Variants in ZSCAN25 observed in about 807,000 individuals in gnomAD.
The protein encoded by ZSCAN25 is zinc finger and SCAN domain-containing protein 25.
ZSCAN25 carries 27 observed loss-of-function variants against 38.7 expected under a neutral mutation model. The observed-to-expected ratio is 0.70, with a 90% CI of 0.51 to 0.96. ZSCAN25 has a LOEUF of 0.96. Among genes scored for constraint, ZSCAN25 ranks in the 40% least tolerant of loss-of-function variants. The probability of loss-of-function intolerance (pLI) is 0.00; values close to 1 mark genes in which losing one functional copy is unlikely to be tolerated. For synonymous variants in ZSCAN25, 273 were observed against 277.7 expected, an observed-to-expected ratio of 0.98 and a Z score of 0.17; for missense variants, 637 against 705.9, an observed-to-expected ratio of 0.90 and a Z score of 1.11.
At chr7:99,687,795 G>C in the ZSCAN25 span, among the ~76,000 whole-genome samples, 2 of 152,186 alleles carry the variant, frequency 1.3e-5, no homozygotes, top group Admixed American at 6.5e-5. Flanking sequence ...CCCACAAAGG[G>C]AAGCCCATCA....
the ZSCAN25 span, among the ~76,000 whole-genome samples, chr7:99,668,077 G>A: frequency 6.6e-5 from 10 of 152,168 alleles, no homozygotes; most frequent in Non-Finnish European, 1.5e-4. Context: ...GAATAGGTAA[G>A]TTCTGCAAGG....
chr7:99,699,388 G>A, the ZSCAN25 span, among the ~76,000 whole-genome samples: 111,558 of 150,376 alleles, frequency 0.74, 44,774 homozygotes, highest in Non-Finnish European at 0.91. Context: ...AGGAAAGAGG[G>A]AAGAGCCGGG....
At chr7:99,623,380 A>G (rs1355429741) in intron 6 of ZSCAN25, among the ~76,000 whole-genome samples, 1 of 152,226 alleles carries the variant, frequency 6.6e-6, no homozygotes, top group Non-Finnish European at 1.5e-5. Flanking sequence ...GCCACAAATG[A>G]GGTAACTGAA....
At chr7:99,621,647 C>A in intron 5 of ZSCAN25, 73 bp downstream of exon 5, 1 of 1,212,428 alleles carries the variant, frequency 8.2e-7, no homozygotes, top group Non-Finnish European at 1.1e-6. Flanking sequence ...TCTTCAGAAA[C>A]CCAGCAATGG....
chr7:99,715,671 G>A, the ZSCAN25 span: 1 of 1,598,788 alleles, frequency 6.3e-7, no homozygotes. Flanking sequence ...TACATTTTAA[G>A]TGGATGAATT....
the ZSCAN25 span, among the ~76,000 whole-genome samples, chr7:99,716,306 G>C: frequency 6.6e-6 from 1 of 152,104 alleles, no homozygotes; most frequent in African/African-American, 2.4e-5. Flanking sequence ...AGGTGACATT[G>C]CCTGACTACA....
chr7:99,619,514 C>T (rs1028907232), intron 3 of ZSCAN25, 47 bp from the exon 4 acceptor site: 4 of 1,405,762 alleles, frequency 2.8e-6, no homozygotes, highest in Non-Finnish European at 3.8e-6. Flanking sequence ...GATGTAGAGA[C>T]AGAACTGGGA....
the ZSCAN25 span, chr7:99,720,775 C>T: frequency 9.0e-6 from 2 of 223,118 alleles, no homozygotes; most frequent in Non-Finnish European, 1.8e-5. Context: ...AAAATATTTC[C>T]CTTTATAAAG....
downstream of ZSCAN25, among the ~76,000 whole-genome samples, chr7:99,636,582 A>G (rs1205669849): frequency 1.3e-5 from 2 of 152,214 alleles, no homozygotes. Context: ...ACACACTCAT[A>G]AACAAAACCC....
chr7:99,679,548 T>G, the ZSCAN25 span, among the ~76,000 whole-genome samples: 1 of 152,192 alleles, frequency 6.6e-6, no homozygotes, highest in Admixed American at 6.5e-5. Context: ...TTGATTAGTC[T>G]TCGTCAGATC....
the ZSCAN25 span, among the ~76,000 whole-genome samples, chr7:99,718,035 A>C: frequency 6.6e-6 from 1 of 152,076 alleles, no homozygotes; most frequent in African/African-American, 2.4e-5. Context: ...CATGAAAAAG[A>C]GGTGCCTTGA....
chr7:99,723,807 C>T, the ZSCAN25 span, among the ~76,000 whole-genome samples: 3 of 152,172 alleles, frequency 2.0e-5, no homozygotes, highest in African/African-American at 7.2e-5. Context: ...CTTTCCCTTT[C>T]TGGTAGAGAC....
intron 4 of ZSCAN25, 195 bp downstream of exon 4, chr7:99,620,188 A>G (rs1806828194): frequency 7.8e-6 from 6 of 766,612 alleles, no homozygotes; most frequent in Non-Finnish European, 1.0e-5. Flanking sequence ...AGATGCTGCC[A>G]TGCAGAAGGG....
the ZSCAN25 span, chr7:99,720,214 T>C: frequency 2.0e-6 from 3 of 1,482,032 alleles, no homozygotes; most frequent in Non-Finnish European, 2.8e-6. Context: ...GGAACCTTCC[T>C]GCACAGTTTT....
chr7:99,720,103 A>G, the ZSCAN25 span, among the ~76,000 whole-genome samples: 2 of 152,206 alleles, frequency 1.3e-5, no homozygotes, highest in Non-Finnish European at 2.9e-5. Flanking sequence ...AACTGTATCA[A>G]TGTTAATTTC....
the ZSCAN25 span, among the ~76,000 whole-genome samples, chr7:99,641,882 C>T: frequency 6.6e-6 from 1 of 152,216 alleles, no homozygotes; most frequent in Non-Finnish European, 1.5e-5. Context: ...ACTCTTTCCT[C>T]TGCATACTCT....
At chr7:99,640,144 C>T in the ZSCAN25 span, among the ~76,000 whole-genome samples, 1 of 152,176 alleles carries the variant, frequency 6.6e-6, no homozygotes, top group Non-Finnish European at 1.5e-5. Context: ...TCTTCCCACC[C>T]TCAAAATCTA....
At position 99,629,159 on chromosome 7, in the gene ZSCAN25, A is replaced by G. The variant is rs1807755417; in HGVS notation, c.806-32A>G. 1.9e-6 allele frequency: 3 copies of G among 1,558,620 alleles called. No homozygotes were observed. The highest frequency in any genetic ancestry group is 1.7e-6 in the Non-Finnish European group (2 of 1,154,600). ...CATGTAAATGTCCTGCGGCTACCAC[A>G]GAATCAATCTTTATCTCCTCCTGTC... On this transcript the variant is annotated intron_variant, in intron 7 of 7. Coordinates refer to ENST00000394152, the MANE Select transcript of ZSCAN25 (RefSeq NM_145115.3). The surrounding 1 kb of genome is among the most constrained non-coding windows in gnomAD (Gnocchi z 5.6).
the ZSCAN25 span, among the ~76,000 whole-genome samples, chr7:99,683,217 TC>T: frequency 1.3e-5 from 2 of 152,234 alleles, no homozygotes; most frequent in African/African-American, 4.8e-5. Flanking sequence ...AAGCTCTGGT[TC>T]CTTTCAGTGG....
Sources: allele counts gnomAD v4.1 joint callset (sites outside exome capture counted in the v4.1 genomes callset), GRCh38; gene constraint gnomAD v4.1.1; non-coding constraint Gnocchi (gnomAD v3.1); transcripts MANE v1.5; gene names NCBI Gene and HGNC (gene_info 2026-07-23, HGNC 2026-07-21).